FBXL17: variants seen among roughly 807,000 people sequenced by gnomAD.
FBXL17 encodes F-box and leucine rich repeat protein 17.
In FBXL17, 22 loss-of-function variants were observed where a neutral mutation model predicts 66.2. That is an observed-to-expected ratio of 0.33 (90% CI 0.24 to 0.47). FBXL17 has a LOEUF of 0.47. Among genes scored for constraint, FBXL17 ranks in the 20% least tolerant of loss-of-function variants. FBXL17 has a pLI of 1.00. For synonymous variants in FBXL17, 474 were observed against 400.5 expected, an observed-to-expected ratio of 1.18 and a Z score of -2.19; for missense variants, 878 against 948.2, an observed-to-expected ratio of 0.93 and a Z score of 0.97.
At chr5:108,370,029 T>C (rs576910246) in intron 1 of FBXL17, among the ~76,000 whole-genome samples, 1 of 152,140 alleles carries the variant, frequency 6.6e-6, no homozygotes, top group South Asian at 2.1e-4. Context: ...ACAGGGCACA[T>C]GTACACTCAC....
intron 4 of FBXL17, among the ~76,000 whole-genome samples, chr5:108,272,559 G>A (rs1265772289): frequency 6.6e-6 from 1 of 151,852 alleles, no homozygotes; most frequent in Non-Finnish European, 1.5e-5. Context: ...TCACCATGTT[G>A]GCCAAGCTTA....
At chr5:108,034,810 C>T (rs993098017) in intron 6 of FBXL17, among the ~76,000 whole-genome samples, 5 of 152,066 alleles carry the variant, frequency 3.3e-5, no homozygotes, top group Admixed American at 2.0e-4. Flanking sequence ...TCATTTTACA[C>T]TGTTACACTA....
chr5:108,356,426 C>T (rs909378530), intron 3 of FBXL17, among the ~76,000 whole-genome samples: 2 of 152,054 alleles, frequency 1.3e-5, no homozygotes, highest in Non-Finnish European at 1.5e-5. Context: ...CTTGGACATG[C>T]CCAAAATGTC....
chr5:108,019,845 G>A (rs1754521296), intron 7 of FBXL17, among the ~76,000 whole-genome samples: 2 of 151,764 alleles, frequency 1.3e-5, no homozygotes, highest in South Asian at 4.2e-4. Flanking sequence ...CTTTTACAAG[G>A]CAAAATTAGG....
At chr5:108,267,067 A>G (rs1201866996) in intron 4 of FBXL17, among the ~76,000 whole-genome samples, 2 of 152,112 alleles carry the variant, frequency 1.3e-5, no homozygotes, top group Non-Finnish European at 2.9e-5. Flanking sequence ...GCTTTTTACT[A>G]TTAAAGGTAT....
In FBXL17 at chr5:108,089,448, GC is replaced by G. The variant is rs1298084932; in HGVS notation, c.1746-68448del. On this transcript the variant is annotated intron_variant, in intron 6 of 8. Coordinates refer to ENST00000542267, the MANE Select transcript of FBXL17 (RefSeq NM_001163315.3). Reference sequence around the variant, plus strand: ...ACCTATATTTCCTTCTAACCCAAATGCTCACCACTCTCCCATACCATCCCCA... The same window carrying G: ...ACCTATATTTCCTTCTAACCCAAATGTCACCACTCTCCCATACCATCCCCA... 7.2e-5 allele frequency among the ~76,000 whole-genome samples: 11 copies of G among 151,972 alleles called. No homozygotes were observed. In the East Asian group the frequency reaches 2.1e-3, roughly 29 times the overall value.
intron 7 of FBXL17, among the ~76,000 whole-genome samples, chr5:107,904,808 A>T (rs896980909): frequency 6.6e-6 from 1 of 152,216 alleles, no homozygotes; most frequent in South Asian, 2.1e-4. Context: ...TATCATTCTA[A>T]GAAAATATAA....
intron 7 of FBXL17, among the ~76,000 whole-genome samples, chr5:108,016,337 A>G (rs1338109962): frequency 6.6e-6 from 1 of 152,158 alleles, no homozygotes; most frequent in Non-Finnish European, 1.5e-5. Flanking sequence ...GTACTGAGTG[A>G]GCCTGTGGGT....
intron 4 of FBXL17, among the ~76,000 whole-genome samples, chr5:108,259,930 C>A (rs1222995849): frequency 6.6e-6 from 1 of 151,332 alleles, no homozygotes; most frequent in Non-Finnish European, 1.5e-5. Flanking sequence ...TTGTTCCTAT[C>A]AGGATGGTAA....
chr5:107,878,397 C>T lies in FBXL17; in HGVS notation c.1965+2640G>A, dbSNP rs1580674405. On this transcript the variant is annotated intron_variant, in intron 8 of 8. Coordinates refer to ENST00000542267, the MANE Select transcript of FBXL17 (RefSeq NM_001163315.3). ...CATTTTATATATAATAGACATTATTCTAAGTGCTTTATGTATGTTAACTCA... is the reference window on the plus strand; with the variant it reads ...CATTTTATATATAATAGACATTATTTTAAGTGCTTTATGTATGTTAACTCA... The T allele has an allele frequency of 4.2e-6, 3 of 706,206 alleles. No individual in the cohort carries two copies. The East Asian group carries it at 4.0e-4, about 94-fold the overall frequency. 43.7% of individuals were successfully genotyped at this position (706,206 alleles called of 1,614,324 possible).
At chr5:107,933,144 T>C (rs1410105196) in intron 7 of FBXL17, among the ~76,000 whole-genome samples, 1 of 152,170 alleles carries the variant, frequency 6.6e-6, no homozygotes, top group Non-Finnish European at 1.5e-5. Flanking sequence ...ATTCTGAGGA[T>C]ATGCTATAAT....
chr5:108,277,022 C>T (rs1157389358), intron 4 of FBXL17, among the ~76,000 whole-genome samples: 2 of 151,788 alleles, frequency 1.3e-5, no homozygotes, highest in East Asian at 3.9e-4. Context: ...CCTTTAAACA[C>T]TACAATTTAG....
intron 7 of FBXL17, among the ~76,000 whole-genome samples, chr5:107,941,270 G>T (rs965031911): frequency 2.0e-5 from 3 of 152,104 alleles, no homozygotes; most frequent in African/African-American, 7.2e-5. Flanking sequence ...GGAGTAAAAA[G>T]GAAATCAACC....
At chr5:108,330,800 A>G (rs533239967) in intron 4 of FBXL17, among the ~76,000 whole-genome samples, 3 of 152,250 alleles carry the variant, frequency 2.0e-5, no homozygotes, top group Non-Finnish European at 4.4e-5. Context: ...ATATGCCCAC[A>G]TGAGCTTTCC....
intron 1 of FBXL17, among the ~76,000 whole-genome samples, chr5:108,377,761 C>T (rs759952579): frequency 6.6e-6 from 1 of 152,190 alleles, no homozygotes; most frequent in Admixed American, 6.5e-5. Flanking sequence ...TATTTTTATG[C>T]TTGTCCTCCT....
intron 4 of FBXL17, among the ~76,000 whole-genome samples, chr5:108,276,429 C>G (rs565669789): frequency 1.1e-4 from 16 of 152,234 alleles, no homozygotes; most frequent in African/African-American, 3.6e-4. Flanking sequence ...TGACTTCTGT[C>G]AACATAGTTT....
intron 1 of FBXL17, among the ~76,000 whole-genome samples, chr5:108,380,168 A>T (rs1371336813): frequency 6.6e-6 from 1 of 152,210 alleles, no homozygotes; most frequent in Non-Finnish European, 1.5e-5. Flanking sequence ...CTTCCTGTAT[A>T]AAATAAAGAT....
At chr5:108,103,305 G>A (rs1749670296) in intron 6 of FBXL17, among the ~76,000 whole-genome samples, 1 of 152,128 alleles carries the variant, frequency 6.6e-6, no homozygotes, top group African/African-American at 2.4e-5. Context: ...ACTTCCTGCA[G>A]CTTACGGTTT....
chr5:108,103,429 T>C (rs975200005), intron 6 of FBXL17, among the ~76,000 whole-genome samples: 5 of 152,218 alleles, frequency 3.3e-5, no homozygotes, highest in Admixed American at 6.5e-5. Flanking sequence ...AATACATTTA[T>C]TTGCTACTGT....
Sources: gnomAD v4.1 joint callset for allele counts (sites outside exome capture counted in the v4.1 genomes callset) on GRCh38, gnomAD v4.1.1 for gene constraint, MANE v1.5 for transcripts, NCBI Gene and HGNC (gene_info 2026-07-23, HGNC 2026-07-21) for gene names.